THRSP: variants seen among roughly 807,000 people sequenced by gnomAD.
THRSP encodes the protein thyroid hormone-inducible hepatic protein.
In THRSP, 9 loss-of-function variants were observed where a neutral mutation model predicts 11.1. That is an observed-to-expected ratio of 0.81 (90% CI 0.49 to 1.42). THRSP has a LOEUF of 1.42. THRSP is among the 40% of genes most tolerant of loss of function. The pLI, the probability that THRSP is intolerant of heterozygous loss-of-function variation, is 0.00. For missense variants in THRSP, 177 were observed against 188.2 expected, an observed-to-expected ratio of 0.94 and a Z score of 0.35; for synonymous variants, 73 against 78.1, an observed-to-expected ratio of 0.94 and a Z score of 0.34.
At position 78,063,948 on chromosome 11, in the gene THRSP, G is replaced by A. The variant is rs771819774; in HGVS notation, c.67G>A (p.Glu23Lys). ...GACCGTCATGGACCGGTATGCAGCC[G>A]AGGTGCACAACATGGAGCAGGTGGT... The part of the protein sequence containing the change: ...LLTVMDRYAA[E>K]VHNMEQVVMI... The change falls in exon 1 of 2, where the codon GAG becomes AAG. Residue 23 changes from glutamate (E) to lysine (K), a missense_variant. By Grantham distance (56) the Glu-to-Lys change is moderately conservative. Transcript: ENST00000281030. 28 of 1,612,648 alleles carry A rather than the reference G, an allele frequency of 1.7e-5. No homozygotes were observed. Among genetic ancestry groups the A allele is most frequent in the Middle Eastern group, 1.6e-4 (1 of 6,066 alleles).
intron 1 of THRSP, among the ~76,000 whole-genome samples, chr11:78,065,292 T>C (rs1858706062): frequency 6.6e-6 from 1 of 152,130 alleles, no homozygotes; most frequent in Admixed American, 6.6e-5. Context: ...CTGTTGTATG[T>C]ACATATGAAT....
rs770058881 is a variant in THRSP, at chr11:78,063,870, G to A, written c.-12G>A. ...GCAGTCTGCTGGTCTCATTGTGTCA[G>A]AGGAAGCAACCATGCAGGTGCTAAC... is the stretch of plus-strand genomic sequence containing the variant. On this transcript the variant is annotated 5_prime_UTR_variant, in exon 1 of 2. Transcript: ENST00000281030. 2.6e-6 allele frequency: 4 copies of A among 1,544,688 alleles called. No homozygotes were observed. Among genetic ancestry groups the A allele is most frequent in the Non-Finnish European group, 3.5e-6 (4 of 1,147,326 alleles).
chr11:78,066,357 G>A (rs918597068), intron 1 of THRSP, among the ~76,000 whole-genome samples: 9 of 152,200 alleles, frequency 5.9e-5, no homozygotes, highest in South Asian at 2.1e-4. Context: ...AGTAGAGACC[G>A]GGTTTCACCA....
At chr11:78,066,120 T>C (rs1858731247) in intron 1 of THRSP, among the ~76,000 whole-genome samples, 1 of 152,238 alleles carries the variant, frequency 6.6e-6, no homozygotes, top group South Asian at 2.1e-4. Flanking sequence ...ATTTGAATAG[T>C]TTTAAGATCA....
chr11:78,064,951 T>G (rs992124358), intron 1 of THRSP, among the ~76,000 whole-genome samples: 77 of 144,380 alleles, frequency 5.3e-4, no homozygotes, highest in African/African-American at 1.8e-3. Flanking sequence ...ATTGTGCCAC[T>G]GCACTCCAGC....
chr11:78,064,280 G>A lies in THRSP; in HGVS notation c.399G>A (p.Glu133=). 1 of 1,613,452 alleles carries A rather than the reference G, an allele frequency of 6.2e-7. No homozygotes were observed. Among genetic ancestry groups the A allele is most frequent in the Non-Finnish European group, 8.5e-7 (1 of 1,179,780 alleles). ...ILMHLTEKAQ[E]VTRKYQEMTG... is the part of the protein sequence containing the mutation. ...TGCACCTCACCGAGAAAGCCCAGGAGGTGACAAGGAAATACCAGGAAATGA... is the reference window on the plus strand; with the variant it reads ...TGCACCTCACCGAGAAAGCCCAGGAAGTGACAAGGAAATACCAGGAAATGA... Residue 133 remains glutamate, a synonymous_variant, in exon 1 of 2, where the codon GAG becomes GAA. Transcript: ENST00000281030.
intron 1 of THRSP, among the ~76,000 whole-genome samples, chr11:78,065,693 G>T (rs1858716958): frequency 6.6e-6 from 1 of 152,330 alleles, no homozygotes; most frequent in Admixed American, 6.5e-5. Context: ...GGAGACAAAA[G>T]TAAGACTGGC....
rs749137350 is a variant in THRSP, at chr11:78,063,927, G to A, written c.46G>A (p.Val16Ile). ...TTACCCCAAGAACTGCCTGCTGACC[G>A]TCATGGACCGGTATGCAGCCGAGGT... Reference protein sequence around the residue: ...KRYPKNCLLTVMDRYAAEVHN... With the variant: ...KRYPKNCLLTIMDRYAAEVHN... Residue 16 changes from valine (V) to isoleucine (I), a missense_variant, in exon 1 of 2, where the codon GTC becomes ATC. Coordinates refer to ENST00000281030, the MANE Select transcript of THRSP (RefSeq NM_003251.4). The A allele has an allele frequency of 1.4e-5, 23 of 1,606,484 alleles. No homozygotes were observed. Among genetic ancestry groups the A allele is most frequent in the Middle Eastern group, 1.7e-4 (1 of 6,034 alleles).
chr11:78,064,443 T>C, intron 1 of THRSP, 102 bp downstream of exon 1: 1 of 1,031,552 alleles, frequency 9.7e-7, no homozygotes, highest in Non-Finnish European at 1.4e-6. Context: ...AGCCTGACTT[T>C]CAGACAGAGC....
intron 1 of THRSP, among the ~76,000 whole-genome samples, chr11:78,064,615 T>C (rs1858678807): frequency 6.6e-6 from 1 of 152,252 alleles, no homozygotes; most frequent in South Asian, 2.1e-4. Flanking sequence ...TATATGTGTT[T>C]GTGCATGTGT....
In THRSP at chr11:78,063,961, T is replaced by C. The variant is rs766243196; in HGVS notation, c.80T>C (p.Met27Thr). ...CGGTATGCAGCCGAGGTGCACAACA[T>C]GGAGCAGGTGGTGATGATCCCCAGC... ...MDRYAAEVHN[M>T]EQVVMIPSLL... The change falls in exon 1 of 2, where the codon ATG becomes ACG. Residue 27 changes from methionine to threonine, a missense_variant. Coordinates refer to ENST00000281030, the MANE Select transcript of THRSP (RefSeq NM_003251.4). The C allele has an allele frequency of 2.5e-6, 4 of 1,613,818 alleles. No individual in the cohort carries two copies. The South Asian group carries it at 4.4e-5, about 18-fold the overall frequency.
rs780963524 is a variant in THRSP, at chr11:78,064,175, C to T, written c.294C>T (p.Val98=). The part of the protein sequence containing the change: ...EENGTAETEE[V]EDESASGELD... ...ATGGAACCGCAGAGACAGAGGAAGT[C>T]GAGGACGAGAGTGCCTCAGGAGAGC... The change falls in exon 1 of 2, where the codon GTC becomes GTT. Residue 98 remains valine, a synonymous_variant. Coordinates refer to ENST00000281030, the MANE Select transcript of THRSP (RefSeq NM_003251.4). The T allele has an allele frequency of 2.0e-5, 32 of 1,613,932 alleles. No individual in the cohort carries two copies. The East Asian group carries it at 3.8e-4, about 19-fold the overall frequency.
At position 78,064,277 on chromosome 11, in the gene THRSP, G is replaced by A. The variant is rs1858667181; in HGVS notation, c.396G>A (p.Gln132=). The A allele has an allele frequency of 6.2e-7, 1 of 1,613,482 alleles. No individual in the cohort carries two copies. The highest frequency in any genetic ancestry group is 1.3e-5 in the African/African-American group (1 of 74,864). ...HILMHLTEKA[Q]EVTRKYQEMT... is the part of the protein sequence containing the mutation. Reference sequence around the variant, plus strand: ...TCATGCACCTCACCGAGAAAGCCCAGGAGGTGACAAGGAAATACCAGGAAA... The same window carrying A: ...TCATGCACCTCACCGAGAAAGCCCAAGAGGTGACAAGGAAATACCAGGAAA... The change falls in exon 1 of 2, where the codon CAG becomes CAA. Residue 132 remains glutamine (Q), a synonymous_variant. Coordinates refer to ENST00000281030, the MANE Select transcript of THRSP (RefSeq NM_003251.4).
In THRSP at chr11:78,063,869, A is replaced by G. The variant is rs1858646832; in HGVS notation, c.-13A>G. The G allele has an allele frequency of 6.5e-7, 1 of 1,543,938 alleles. No individual in the cohort carries two copies. The highest frequency in any genetic ancestry group is 8.7e-7 in the Non-Finnish European group (1 of 1,147,010). ...GGCAGTCTGCTGGTCTCATTGTGTC[A>G]GAGGAAGCAACCATGCAGGTGCTAA... On this transcript the variant is annotated 5_prime_UTR_variant, in exon 1 of 2. Coordinates refer to ENST00000281030, the MANE Select transcript of THRSP (RefSeq NM_003251.4).
rs372605767 is a variant in THRSP, at chr11:78,064,118, G to C, written c.237G>C (p.Glu79Asp). ...DVDHGLLPREEWQAKVAGSEE... is the reference protein window; with the variant it reads ...DVDHGLLPREDWQAKVAGSEE... ...ACCATGGGCTGCTGCCGCGGGAGGA[G>C]TGGCAGGCCAAGGTGGCAGGCAGCG... The change falls in exon 1 of 2, where the codon GAG (glutamate) becomes GAC (aspartate). Residue 79 changes from glutamate (E) to aspartate (D), a missense_variant. By Grantham distance (45) the Glu-to-Asp change is conservative. Coordinates refer to ENST00000281030, the MANE Select transcript of THRSP (RefSeq NM_003251.4). 2.4e-5 allele frequency: 39 copies of C among 1,614,046 alleles called. No individual in the cohort carries two copies. Among genetic ancestry groups the C allele is most frequent in the Non-Finnish European group, 3.3e-5 (39 of 1,180,040 alleles).
Position 78,063,861 on chromosome 11 carries a change from A to T in THRSP, c.-21A>T, listed in dbSNP as rs781593108. 4 of 1,539,236 alleles carry T rather than the reference A, an allele frequency of 2.6e-6. No individual in the cohort carries two copies. Among genetic ancestry groups the T allele is most frequent in the Non-Finnish European group, 3.5e-6 (4 of 1,145,110 alleles). ...AGTGCGGGGGCAGTCTGCTGGTCTCATTGTGTCAGAGGAAGCAACCATGCA... is the reference window on the plus strand; with the variant it reads ...AGTGCGGGGGCAGTCTGCTGGTCTCTTTGTGTCAGAGGAAGCAACCATGCA... On this transcript the variant is annotated 5_prime_UTR_variant, in exon 1 of 2. Transcript: ENST00000281030.
At position 78,064,016 on chromosome 11, in the gene THRSP, T is replaced by A. The variant is rs1565326814; in HGVS notation, c.135T>A (p.Pro45=). The A allele has an allele frequency of 6.2e-7, 1 of 1,614,138 alleles. No individual in the cohort carries two copies. Among genetic ancestry groups the A allele is most frequent in the Admixed American group, 1.7e-5 (1 of 60,022 alleles). Residue 45 remains proline (P), a synonymous_variant, in exon 1 of 2, where the codon CCT becomes CCA. Coordinates refer to ENST00000281030, the MANE Select transcript of THRSP (RefSeq NM_003251.4). ...SLLRDVQLSG[P]GGQAQAEAPD... ...TGCGGGACGTGCAGCTGAGTGGGCC[T>A]GGGGGCCAGGCCCAGGCTGAGGCCC... is the stretch of plus-strand genomic sequence containing the variant.
chr11:78,067,035 C>G (rs1312651882), intron 1 of THRSP, among the ~76,000 whole-genome samples: 1 of 151,652 alleles, frequency 6.6e-6, no homozygotes. Flanking sequence ...CCATGTTGGC[C>G]AAGATGGTCT....
At position 78,063,924 on chromosome 11, in the gene THRSP, A is replaced by G. The variant is rs757615738; in HGVS notation, c.43A>G (p.Thr15Ala). ...TKRYPKNCLL[T>A]VMDRYAAEVH... ...GCGTTACCCCAAGAACTGCCTGCTG[A>G]CCGTCATGGACCGGTATGCAGCCGA... Residue 15 changes from threonine to alanine, a missense_variant, in exon 1 of 2, where the codon ACC (threonine) becomes GCC (alanine). Physicochemically the swap from Thr to Ala is moderately conservative, Grantham distance 58. Transcript: ENST00000281030. 21 of 1,600,194 alleles carry G rather than the reference A, an allele frequency of 1.3e-5. No homozygotes were observed. The highest frequency in any genetic ancestry group is 1.7e-5 in the Non-Finnish European group (20 of 1,173,320).
Sources: gnomAD v4.1 joint callset for allele counts (sites outside exome capture counted in the v4.1 genomes callset) on GRCh38, gnomAD v4.1.1 for gene constraint, MANE v1.5 for transcripts, NCBI Gene and HGNC (gene_info 2026-07-23, HGNC 2026-07-21) for gene names.